GPHN: variants seen among roughly 807,000 people sequenced by gnomAD.
GPHN encodes the protein gephyrin.
GPHN carries 17 observed loss-of-function variants against 95.5 expected under a neutral mutation model. The ratio of observed to expected loss-of-function variants is 0.18; its 90% CI spans 0.12 to 0.27. The LOEUF (loss-of-function observed/expected upper bound fraction) is 0.27, where lower values mean the gene tolerates loss of function less well. GPHN is among the 10% of genes least tolerant of loss of function. GPHN has a pLI of 1.00. For synonymous variants in GPHN, 320 were observed against 322.5 expected (o/e 0.99, Z 0.08); for missense variants, 660 against 978.1 (o/e 0.67, Z 4.34).
chr14:66,592,791 A>G (rs1318094062), intron 1 of GPHN, among the ~76,000 whole-genome samples: 2 of 152,220 alleles, frequency 1.3e-5, no homozygotes, highest in Non-Finnish European at 2.9e-5. Context: ...CAGCAGTCCC[A>G]TTACTGGGTA....
intron 21 of GPHN, among the ~76,000 whole-genome samples, chr14:67,178,386 G>A (rs1215034702): frequency 6.6e-6 from 1 of 152,076 alleles, no homozygotes; most frequent in Non-Finnish European, 1.5e-5. Context: ...TTGATTATTG[G>A]CCCCCACTGT....
At chr14:66,853,230 C>A (rs1156861744) in intron 4 of GPHN, among the ~76,000 whole-genome samples, 1 of 152,070 alleles carries the variant, frequency 6.6e-6, no homozygotes, top group Non-Finnish European at 1.5e-5. Context: ...TTGAAAATGT[C>A]AGATTTTGAA....
At chr14:67,200,201 C>A in the GPHN span, 3 of 1,129,016 alleles carry the variant, frequency 2.7e-6, no homozygotes, top group South Asian at 3.3e-5. Flanking sequence ...CCACTGATGC[C>A]CCCCATGGAT....
chr14:66,589,756 A>G (rs2061564412), intron 1 of GPHN, among the ~76,000 whole-genome samples: 1 of 152,152 alleles, frequency 6.6e-6, no homozygotes, highest in African/African-American at 2.4e-5. Context: ...CCCACTGTCA[A>G]TATTAGACAG....
At chr14:67,306,956 A>ATGTT in the GPHN span, among the ~76,000 whole-genome samples, 1 of 152,190 alleles carries the variant, frequency 6.6e-6, no homozygotes, top group Non-Finnish European at 1.5e-5. Flanking sequence ...ATGTTTTGTG[A>ATGTT]TGTTAGAAAT....
At chr14:67,149,644 A>G (rs911843173) in intron 18 of GPHN, among the ~76,000 whole-genome samples, 10 of 152,218 alleles carry the variant, frequency 6.6e-5, no homozygotes, top group Non-Finnish European at 1.3e-4. Context: ...ATTGTTCCTT[A>G]TATAATTGCA....
At chr14:66,841,632 G>A (rs540369037) in intron 4 of GPHN, among the ~76,000 whole-genome samples, 2 of 152,198 alleles carry the variant, frequency 1.3e-5, no homozygotes, top group Non-Finnish European at 2.9e-5. Context: ...TACTGAAATG[G>A]AGAAGACTAT....
chr14:67,478,048 C>T, the GPHN span, among the ~76,000 whole-genome samples: 5 of 152,202 alleles, frequency 3.3e-5, no homozygotes, highest in Admixed American at 6.5e-5. Flanking sequence ...TTAGCAATCG[C>T]CATATAACAA....
intron 16 of GPHN, among the ~76,000 whole-genome samples, chr14:67,121,964 A>G (rs1042295082): frequency 3.9e-5 from 6 of 152,232 alleles, no homozygotes; most frequent in East Asian, 1.9e-4. Flanking sequence ...TAGTTTGGCC[A>G]GTATCTCCAG....
At chr14:67,355,419 G>A in the GPHN span, among the ~76,000 whole-genome samples, 1 of 101,142 alleles carries the variant, frequency 9.9e-6, no homozygotes, top group Non-Finnish European at 1.8e-5. Flanking sequence ...GTGGAGCCCA[G>A]TTCGAGGATG....
intron 21 of GPHN, among the ~76,000 whole-genome samples, chr14:67,177,156 T>C (rs2083023068): frequency 6.6e-6 from 1 of 152,240 alleles, no homozygotes; most frequent in Non-Finnish European, 1.5e-5. Flanking sequence ...TCTAGTTCTT[T>C]AAACTGTGAT....
At chr14:67,036,355 A>G (rs962270174) in intron 10 of GPHN, among the ~76,000 whole-genome samples, 5 of 151,708 alleles carry the variant, frequency 3.3e-5, no homozygotes, top group Non-Finnish European at 7.4e-5. Flanking sequence ...TTTTAGTATA[A>G]TACTGGAAGT....
At chr14:67,669,270 A>AT in the GPHN span, among the ~76,000 whole-genome samples, 380 of 139,998 alleles carry the variant, frequency 2.7e-3, 4 homozygotes, top group South Asian at 0.028. Flanking sequence ...CTTCTTCATA[A>AT]TTTTTTTTTT....
the GPHN span, among the ~76,000 whole-genome samples, chr14:67,485,089 C>G: frequency 6.6e-6 from 1 of 152,234 alleles, no homozygotes; most frequent in Non-Finnish European, 1.5e-5. Flanking sequence ...GAATTCAGCC[C>G]TTTTCTTCTC....
the GPHN span, among the ~76,000 whole-genome samples, chr14:67,235,309 G>T: frequency 0.021 from 3,173 of 152,198 alleles, 120 homozygotes; most frequent in African/African-American, 0.073. Flanking sequence ...TAATTTTATA[G>T]CCCTTTTCAA....
intron 4 of GPHN, among the ~76,000 whole-genome samples, chr14:66,846,800 G>A (rs2062357550): frequency 6.6e-6 from 1 of 152,130 alleles, no homozygotes; most frequent in South Asian, 2.1e-4. Flanking sequence ...GTATAGGTAA[G>A]TAGATAACTA....
the GPHN span, among the ~76,000 whole-genome samples, chr14:67,639,924 CA>C: frequency 0.34 from 20,762 of 61,408 alleles, 1,080 homozygotes; most frequent in South Asian, 0.5. Context: ...GACCCTGTCT[CA>C]AAAAAAAAAA....
At chr14:66,661,025 A>G (rs2065612009) in intron 1 of GPHN, among the ~76,000 whole-genome samples, 2 of 152,210 alleles carry the variant, frequency 1.3e-5, no homozygotes, top group Non-Finnish European at 2.9e-5. Flanking sequence ...TCAGGCATGC[A>G]TGGAGACCCG....
chr14:67,698,344 T>C, the GPHN span, among the ~76,000 whole-genome samples: 1 of 152,216 alleles, frequency 6.6e-6, no homozygotes, highest in East Asian at 1.9e-4. Context: ...TACACATCTG[T>C]AGTCCCAGCT....
Sources: gnomAD v4.1 joint callset for allele counts (sites outside exome capture counted in the v4.1 genomes callset) on GRCh38, gnomAD v4.1.1 for gene constraint, MANE v1.5 for transcripts, NCBI Gene and HGNC (gene_info 2026-07-23, HGNC 2026-07-21) for gene names.